The following C4orf33 variants were observed in gnomAD, a reference collection of about 807,000 sequenced individuals.
C4orf33 encodes the protein UPF0462 protein C4orf33.
Under a neutral mutation model 24.3 loss-of-function variants are expected in C4orf33, and 20 were observed. The ratio of observed to expected loss-of-function variants is 0.82; its 90% CI spans 0.58 to 1.19. The LOEUF is 1.19. C4orf33 is among the 50% of genes most tolerant of loss of function. The pLI, the probability that C4orf33 is intolerant of heterozygous loss-of-function variation, is 0.00. For synonymous variants in C4orf33, 67 were observed against 76.4 expected, an observed-to-expected ratio of 0.88 and a Z score of 0.64; for missense variants, 207 against 225.9, an observed-to-expected ratio of 0.92 and a Z score of 0.54.
At chr4:129,094,982 G>A (rs936172025), upstream of C4orf33, among the ~76,000 whole-genome samples, 31 of 152,090 alleles carry the variant, frequency 2.0e-4, 1 homozygote, top group African/African-American at 7.5e-4. Context: ...ACCCAAACTG[G>A]ATGGAAGCAA....
upstream of C4orf33, among the ~76,000 whole-genome samples, chr4:129,094,250 T>G (rs1270037099): frequency 6.6e-6 from 1 of 152,178 alleles, no homozygotes; most frequent in Non-Finnish European, 1.5e-5. Flanking sequence ...CATTTGTGGA[T>G]AGATTACAAT....
chr4:129,096,048 G>T (rs1219966292), upstream of C4orf33: 3 of 152,094 alleles, frequency 2.0e-5, no homozygotes, highest in African/African-American at 4.8e-5. Flanking sequence ...TTCATGTGTG[G>T]CCCTTCAACA....
chr4:129,111,609 TAAATA>T, intron 5 of C4orf33, 72 bp from the exon 6 acceptor site: 1 of 787,452 alleles, frequency 1.3e-6, no homozygotes, highest in Non-Finnish European at 2.1e-6. Flanking sequence ...TGTGACAAAA[TAAATA>T]GCCCTTCAGG....
chr4:129,106,839 A>G (rs1753534172), intron 3 of C4orf33, among the ~76,000 whole-genome samples, 192 bp downstream of exon 3: 1 of 151,834 alleles, frequency 6.6e-6, no homozygotes, highest in South Asian at 2.1e-4. Context: ...TGTTTAGAAT[A>G]TACTCATATT....
At chr4:129,108,193 T>A (rs975814903) in intron 3 of C4orf33, among the ~76,000 whole-genome samples, 1 of 152,156 alleles carries the variant, frequency 6.6e-6, no homozygotes, top group Non-Finnish European at 1.5e-5. Flanking sequence ...AAAGAATACT[T>A]GGCTTCTGTT....
At chr4:129,094,831 C>T (rs555129958), upstream of C4orf33, among the ~76,000 whole-genome samples, 1 of 152,288 alleles carries the variant, frequency 6.6e-6, no homozygotes, top group Admixed American at 6.5e-5. Flanking sequence ...TTTTGAAGTT[C>T]AGTATATGAC....
chr4:129,102,835 A>G (rs368684896), intron 2 of C4orf33, 44 bp downstream of exon 2: 21 of 1,522,668 alleles, frequency 1.4e-5, no homozygotes, highest in Non-Finnish European at 1.9e-5. Flanking sequence ...AAATCTTCTT[A>G]TAATAACCTC....
chr4:129,106,237 A>G (rs1435365307), intron 2 of C4orf33, among the ~76,000 whole-genome samples: 1 of 152,110 alleles, frequency 6.6e-6, no homozygotes, highest in East Asian at 1.9e-4. Context: ...ATGGCATTAT[A>G]CTTAATTCTT....
Position 129,115,233 on chromosome 4 carries a change from C to A in C4orf33, c.*3442C>A, listed in dbSNP as rs1462853368. 3 of 152,202 alleles carry A rather than the reference C, an allele frequency of 2.0e-5. No homozygotes were observed. The highest frequency in any genetic ancestry group is 2.9e-5 in the Non-Finnish European group (2 of 68,030). 9.4% of individuals were successfully genotyped at this position (152,202 alleles called of 1,614,324 possible). ...GACTCAATGTGGAATGTGTGTGGCT[C>A]TGAGTGCTGCAAGGAGTGGACTGTA... On this transcript the variant is annotated 3_prime_UTR_variant, in exon 6 of 6. Coordinates refer to ENST00000425929, the MANE Select transcript of C4orf33 (RefSeq NM_001099783.2).
rs61233857 is a variant in C4orf33, at chr4:129,115,830, A to ATATATATAT, written c.*4039_*4040insTATATATAT. ...TATATATATATATATATATATATAT[A>ATATATATAT]AAATATATATGTTTATATATAACAT... On this transcript the variant is annotated 3_prime_UTR_variant, in exon 6 of 6. Transcript: ENST00000425929. 4 of 41,508 alleles carry ATATATATAT rather than the reference A, an allele frequency of 9.6e-5. No homozygotes were observed. Among genetic ancestry groups the ATATATATAT allele is most frequent in the African/African-American group, 2.5e-4 (4 of 16,004 alleles). The allele number at this position is 41,508 out of a possible 1,614,324, so 2.6% of individuals were successfully genotyped here.
chr4:129,109,404 T>G, intron 4 of C4orf33, 46 bp downstream of exon 4: 1 of 1,595,854 alleles, frequency 6.3e-7, no homozygotes, highest in Non-Finnish European at 8.6e-7. Flanking sequence ...TACACAGTAA[T>G]ACACATATTT....
At chr4:129,094,308 T>TTA (rs1554008566), upstream of C4orf33, among the ~76,000 whole-genome samples, 20 of 151,854 alleles carry the variant, frequency 1.3e-4, no homozygotes, top group South Asian at 4.2e-4. Flanking sequence ...CGTATTTTTT[T>TTA]AAAAAAAATC....
chr4:129,103,308 C>T (rs981566082), intron 2 of C4orf33, among the ~76,000 whole-genome samples: 1 of 152,086 alleles, frequency 6.6e-6, no homozygotes, highest in African/African-American at 2.4e-5. Flanking sequence ...CGTGAGCCAC[C>T]TTGCCTGGCC....
chr4:129,115,280 C>T lies in C4orf33; in HGVS notation c.*3489C>T, dbSNP rs11728985. ...TGTATTTAATATCTCTTGTGTCCTA[C>T]CTCACATCCTCTTAGGCCATTTTTC... On this transcript the variant is annotated 3_prime_UTR_variant, in exon 6 of 6. Coordinates refer to ENST00000425929, the MANE Select transcript of C4orf33 (RefSeq NM_001099783.2). 0.12 allele frequency: 18,448 copies of T among 151,888 alleles called. 1,376 individuals carry two copies. Among genetic ancestry groups the T allele is most frequent in the South Asian group, 0.16 (792 of 4,816 alleles). The allele number at this position is 151,888 out of a possible 1,614,324, so 9.4% of individuals were successfully genotyped here.
rs1010853825 is a variant in C4orf33 at position 129,115,935 on chromosome 4, A to T, written c.*4144A>T. 9.4e-5 allele frequency: 14 copies of T among 149,476 alleles called. No individual in the cohort carries two copies. The highest frequency in any genetic ancestry group is 3.4e-4 in the African/African-American group (14 of 40,846). The allele number at this position is 149,476 out of a possible 1,614,324, so 9.3% of individuals were successfully genotyped here. A position where few individuals can be genotyped will look rare whatever the true frequency, so the allele number is the denominator to read the frequency against. On this transcript the variant is annotated 3_prime_UTR_variant, in exon 6 of 6. Coordinates refer to ENST00000425929, the MANE Select transcript of C4orf33 (RefSeq NM_001099783.2). The stretch of plus-strand genomic sequence containing the variant: ...TGTTAAATCACCATTCCTGGGCCCT[A>T]CTCATTTTCTGATAATTTCTTATCT...
At chr4:129,095,851 T>G (rs2125797028), upstream of C4orf33, among the ~76,000 whole-genome samples, 1 of 152,336 alleles carries the variant, frequency 6.6e-6, no homozygotes, top group Admixed American at 6.5e-5. Context: ...AATTTATAGT[T>G]TTTGCTTATA....
In C4orf33 at chr4:129,116,247, T is replaced by C. The variant is rs1437425316; in HGVS notation, c.*4456T>C. ...GTCTGATATTTATAAATCTAATATGTAATATAAAGGAGAAATAGGAAATGC... is the reference window on the plus strand; with the variant it reads ...GTCTGATATTTATAAATCTAATATGCAATATAAAGGAGAAATAGGAAATGC... On this transcript the variant is annotated 3_prime_UTR_variant, in exon 6 of 6. Coordinates refer to ENST00000425929, the MANE Select transcript of C4orf33 (RefSeq NM_001099783.2). 1 of 152,170 alleles carries C rather than the reference T, an allele frequency of 6.6e-6. No homozygotes were observed. Among genetic ancestry groups the C allele is most frequent in the South Asian group, 2.1e-4 (1 of 4,838 alleles). The allele number at this position is 152,170 out of a possible 1,614,324, so 9.4% of individuals were successfully genotyped here.
intron 1 of C4orf33, among the ~76,000 whole-genome samples, chr4:129,099,473 T>C (rs1346629622): frequency 6.6e-6 from 1 of 152,232 alleles, no homozygotes; most frequent in African/African-American, 2.4e-5. Context: ...AGATTTCTCC[T>C]GCACAAAATC....
At chr4:129,111,152 C>T (rs1305434767) in intron 5 of C4orf33, among the ~76,000 whole-genome samples, 5 of 152,208 alleles carry the variant, frequency 3.3e-5, no homozygotes, top group Non-Finnish European at 7.3e-5. Context: ...CTAAGCCTTT[C>T]TCTCCTCATT....
Sources: gnomAD v4.1 joint callset for allele counts (sites outside exome capture counted in the v4.1 genomes callset) on GRCh38, gnomAD v4.1.1 for gene constraint, MANE v1.5 for transcripts, NCBI Gene and HGNC (gene_info 2026-07-23, HGNC 2026-07-21) for gene names.